The following DIAPH3 variants were observed in gnomAD, a reference collection of about 807,000 sequenced individuals.
DIAPH3 encodes protein diaphanous homolog 3.
Under a neutral mutation model 144.3 loss-of-function variants are expected in DIAPH3, and 117 were observed. The observed-to-expected ratio is 0.81, with a 90% CI of 0.70 to 0.95. The LOEUF is 0.95. DIAPH3 is among the 40% of genes least tolerant of loss of function. The probability of loss-of-function intolerance (pLI) is 0.00; values close to 1 mark genes in which losing one functional copy is unlikely to be tolerated. For synonymous variants in DIAPH3, 519 were observed against 488.9 expected, an observed-to-expected ratio of 1.06 and a Z score of -0.81; for missense variants, 1,421 against 1,412.7, an observed-to-expected ratio of 1.01 and a Z score of -0.09.
In DIAPH3 at chr13:59,924,875, A is replaced by G. The variant is rs1393388527; in HGVS notation, c.2075-5T>C. 1.3e-5 allele frequency: 21 copies of G among 1,598,170 alleles called. No homozygotes were observed. The highest frequency in any genetic ancestry group is 1.7e-5 in the Non-Finnish European group (20 of 1,169,094). On this transcript the variant is annotated splice_polypyrimidine_tract_variant and splice_region_variant and intron_variant, in intron 17 of 27. Transcript: ENST00000400324. Reference sequence around the variant, plus strand: ...TATCTTCCTCTTCTCTTCTCTCTGTAAAACCAAGATAGATCCATGTTAGGG... The same window carrying G: ...TATCTTCCTCTTCTCTTCTCTCTGTGAAACCAAGATAGATCCATGTTAGGG...
intron 22 of DIAPH3, among the ~76,000 whole-genome samples, chr13:59,850,126 T>G (rs960406645): frequency 1.8e-4 from 27 of 151,838 alleles, no homozygotes; most frequent in African/African-American, 3.6e-4. Flanking sequence ...GTTTGTCTGT[T>G]GTTGGTGTAT....
chr13:59,863,401 T>C (rs575647142), intron 21 of DIAPH3, among the ~76,000 whole-genome samples: 5 of 152,294 alleles, frequency 3.3e-5, no homozygotes, highest in Admixed American at 6.5e-5. Context: ...AACTTTAAAA[T>C]TGGCTCCTAA....
At chr13:60,094,282 C>G (rs1189474514) in intron 3 of DIAPH3, among the ~76,000 whole-genome samples, 1 of 152,100 alleles carries the variant, frequency 6.6e-6, no homozygotes, top group Non-Finnish European at 1.5e-5. Context: ...ATTGAATGTT[C>G]TAAATTACAT....
At chr13:60,155,351 A>T (rs1485139323) in intron 1 of DIAPH3, among the ~76,000 whole-genome samples, 1 of 152,196 alleles carries the variant, frequency 6.6e-6, no homozygotes, top group Non-Finnish European at 1.5e-5. Context: ...AAAGACCCAG[A>T]GTGGTCCAGG....
intron 3 of DIAPH3, among the ~76,000 whole-genome samples, chr13:60,109,700 G>T (rs949383214): frequency 2.4e-4 from 36 of 152,162 alleles, no homozygotes; most frequent in African/African-American, 8.7e-4. Flanking sequence ...AAGCTCAGAG[G>T]GCTGATTTAA....
intron 7 of DIAPH3, among the ~76,000 whole-genome samples, chr13:60,014,581 G>T (rs1188516227): frequency 6.6e-6 from 1 of 152,000 alleles, no homozygotes; most frequent in Admixed American, 6.6e-5. Flanking sequence ...GCTAATACAT[G>T]TAGTAAAATA....
intron 3 of DIAPH3, among the ~76,000 whole-genome samples, chr13:60,095,295 AC>A (rs1227650892): frequency 2.6e-5 from 4 of 152,224 alleles, no homozygotes; most frequent in East Asian, 3.9e-4. Context: ...TTACACAGCA[AC>A]CTTTTATCGA....
chr13:60,017,215 C>T (rs2053711698), intron 5 of DIAPH3, among the ~76,000 whole-genome samples: 3 of 151,822 alleles, frequency 2.0e-5, no homozygotes, highest in Admixed American at 2.0e-4. Context: ...ACCAGCCTGA[C>T]CAACATGGTG....
At chr13:60,047,561 T>TG (rs1035243597) in intron 4 of DIAPH3, among the ~76,000 whole-genome samples, 1 of 152,084 alleles carries the variant, frequency 6.6e-6, no homozygotes, top group East Asian at 1.9e-4. Flanking sequence ...TATGATTCAA[T>TG]GGGGGGAAGA....
chr13:60,107,676 T>A (rs563095563), intron 3 of DIAPH3, among the ~76,000 whole-genome samples: 5 of 152,282 alleles, frequency 3.3e-5, no homozygotes, highest in African/African-American at 1.2e-4. Flanking sequence ...AAATGTGCTT[T>A]CTCCTACATT....
Position 59,666,772 on chromosome 13 carries a change from C to T in DIAPH3, c.3394G>A (p.Val1132Ile). Residue 1132 changes from valine to isoleucine, a missense_variant, in exon 28 of 28, where the codon GTC (valine) becomes ATC (isoleucine). Val to Ile is a conservative substitution (Grantham distance 29, BLOSUM62 3). Transcript: ENST00000400324. ...NINCNSTRTP[V>I]AKELNYNLDT... ...AGATTATAATTAAGCTCCTTGGCGA[C>T]TGGAGTCCTTGTTGAGTTGCAATTG... 6.2e-7 allele frequency: 1 copy of T among 1,614,146 alleles called. No homozygotes were observed. Among genetic ancestry groups the T allele is most frequent in the Non-Finnish European group, 8.5e-7 (1 of 1,180,010 alleles).
chr13:60,110,595 A>G (rs2058541047), intron 3 of DIAPH3, among the ~76,000 whole-genome samples: 1 of 152,194 alleles, frequency 6.6e-6, no homozygotes, highest in Non-Finnish European at 1.5e-5. Context: ...AGGAATCAGT[A>G]AGGGAAAGAA....
chr13:59,980,434 A>G (rs1437979478), intron 14 of DIAPH3, among the ~76,000 whole-genome samples: 1 of 151,584 alleles, frequency 6.6e-6, no homozygotes, highest in Non-Finnish European at 1.5e-5. Context: ...TAGTTCTTAC[A>G]AAGGGCCAGG....
intron 20 of DIAPH3, among the ~76,000 whole-genome samples, chr13:59,885,829 A>G (rs945601213): frequency 6.6e-6 from 1 of 152,134 alleles, no homozygotes; most frequent in South Asian, 2.1e-4. Flanking sequence ...TGAAGCTAGC[A>G]GAGTGGTATG....
At chr13:60,094,963 G>A (rs1472702143) in intron 3 of DIAPH3, among the ~76,000 whole-genome samples, 3 of 152,170 alleles carry the variant, frequency 2.0e-5, no homozygotes, top group Non-Finnish European at 4.4e-5. Flanking sequence ...CTCTAAGCTA[G>A]TGAGAGAAGG....
intron 14 of DIAPH3, among the ~76,000 whole-genome samples, chr13:59,977,952 G>T (rs562656856): frequency 6.6e-6 from 1 of 151,692 alleles, no homozygotes; most frequent in Non-Finnish European, 1.5e-5. Context: ...GCTATCTCGC[G>T]TTGTTCTTCA....
intron 27 of DIAPH3, among the ~76,000 whole-genome samples, chr13:59,771,730 A>C (rs1593807405): frequency 6.6e-6 from 1 of 152,234 alleles, no homozygotes; most frequent in African/African-American, 2.4e-5. Context: ...GTGCCCTTAA[A>C]CAAGTTATCA....
At chr13:60,017,798 C>T (rs957739377) in intron 5 of DIAPH3, among the ~76,000 whole-genome samples, 1 of 152,148 alleles carries the variant, frequency 6.6e-6, no homozygotes, top group African/African-American at 2.4e-5. Context: ...TTGTAAAAGA[C>T]TGAAGATTGC....
At chr13:59,714,913 C>A (rs1357505867) in intron 27 of DIAPH3, among the ~76,000 whole-genome samples, 3 of 151,926 alleles carry the variant, frequency 2.0e-5, no homozygotes, top group African/African-American at 7.3e-5. Context: ...TTCTACCTGT[C>A]CAAAAAAACC....
Sources: gnomAD v4.1 joint callset for allele counts (sites outside exome capture counted in the v4.1 genomes callset) on GRCh38, gnomAD v4.1.1 for gene constraint, MANE v1.5 for transcripts, NCBI Gene and HGNC (gene_info 2026-07-23, HGNC 2026-07-21) for gene names.